DAPP1: variants seen among roughly 807,000 people sequenced by gnomAD.
DAPP1 encodes the protein dual adaptor of phosphotyrosine and 3-phosphoinositides 1.
A neutral mutation model predicts 41.5 loss-of-function variants in DAPP1; 20 were observed. The observed-to-expected ratio is 0.48, with a 90% CI of 0.34 to 0.70. The LOEUF (loss-of-function observed/expected upper bound fraction) is 0.70, where lower values mean the gene tolerates loss of function less well. Ranked by LOEUF, DAPP1 falls within the 30% of genes least tolerant of loss-of-function variation. The probability of loss-of-function intolerance (pLI) is 0.01; values close to 1 mark genes in which losing one functional copy is unlikely to be tolerated. For synonymous variants in DAPP1, 113 were observed against 116.2 expected (o/e 0.97, Z 0.18); for missense variants, 233 against 333.4 (o/e 0.70, Z 2.35).
intron 4 of DAPP1, among the ~76,000 whole-genome samples, chr4:99,860,084 C>A (rs1724185894): frequency 6.6e-6 from 1 of 152,216 alleles, no homozygotes; most frequent in African/African-American, 2.4e-5. Context: ...AGATGGTACC[C>A]CAATGGGGGC....
chr4:99,840,098 A>T (rs940331546), intron 2 of DAPP1, among the ~76,000 whole-genome samples, 191 bp from the exon 3 acceptor site: 1 of 152,196 alleles, frequency 6.6e-6, no homozygotes, highest in Non-Finnish European at 1.5e-5. Context: ...ATTAATTAAT[A>T]AAAGTTGAAA....
chr4:99,866,762 TTC>T, intron 8 of DAPP1: 6 of 544,766 alleles, frequency 1.1e-5, no homozygotes, highest in Non-Finnish European at 1.6e-5. Context: ...ATTTCTTTTT[TTC>T]TATTTTTTTT....
chr4:99,857,699 T>TACAC (rs1447344273), intron 4 of DAPP1, among the ~76,000 whole-genome samples: 31 of 133,628 alleles, frequency 2.3e-4, no homozygotes, highest in Middle Eastern at 3.5e-3. Flanking sequence ...TATGTATGTA[T>TACAC]ATACACACAC....
intron 6 of DAPP1, 134 bp from the exon 7 acceptor site, chr4:99,863,636 C>G: frequency 1.5e-6 from 1 of 658,068 alleles, no homozygotes; most frequent in Non-Finnish European, 2.6e-6. Flanking sequence ...TTTCTATTGT[C>G]AGTCCTGTTA....
intron 1 of DAPP1, among the ~76,000 whole-genome samples, chr4:99,821,001 G>C (rs1290995713): frequency 6.6e-6 from 1 of 152,180 alleles, no homozygotes; most frequent in Admixed American, 6.5e-5. Context: ...TAAACAAAAT[G>C]AGTCCGTATT....
chr4:99,861,447 A>G, intron 4 of DAPP1, 131 bp from the exon 5 acceptor site: 2 of 933,316 alleles, frequency 2.1e-6, no homozygotes, highest in Non-Finnish European at 3.3e-6. Flanking sequence ...TCAAGTGCCT[A>G]GGTGAAAAAT....
At chr4:99,862,730 G>A (rs1418780427) in intron 5 of DAPP1, among the ~76,000 whole-genome samples, 1 of 64,954 alleles carries the variant, frequency 1.5e-5, no homozygotes, top group South Asian at 7.5e-4. Flanking sequence ...TTCATTATGA[G>A]CTTAATGCAT....
rs1280099334 is a variant in DAPP1 at position 99,869,300 on chromosome 4, A to G, written c.*1115A>G. ...AAACTAGAATAAGGAGGCAAATAGA[A>G]GAATGAGATACTGATGTCCACAGTT... On this transcript the variant is annotated 3_prime_UTR_variant, in exon 9 of 9. Transcript: ENST00000512369. 2 of 152,242 alleles carry G rather than the reference A, an allele frequency of 1.3e-5. No individual in the cohort carries two copies. The highest frequency in any genetic ancestry group is 4.8e-5 in the African/African-American group (2 of 41,476). 9.4% of individuals were successfully genotyped at this position (152,242 alleles called of 1,614,324 possible).
chr4:99,819,356 A>G (rs1044534146), intron 1 of DAPP1, among the ~76,000 whole-genome samples: 1 of 152,216 alleles, frequency 6.6e-6, no homozygotes, highest in Non-Finnish European at 1.5e-5. Context: ...ATTCCCTGGT[A>G]TAAATACTCC....
At chr4:99,832,724 T>C (rs77141796) in intron 1 of DAPP1, among the ~76,000 whole-genome samples, 1,752 of 152,372 alleles carry the variant, frequency 0.011, 41 homozygotes, top group African/African-American at 0.039. Flanking sequence ...AAAACATTAT[T>C]AGTAAAAACT....
At chr4:99,845,048 A>G (rs1723619689) in intron 3 of DAPP1, among the ~76,000 whole-genome samples, 1 of 152,248 alleles carries the variant, frequency 6.6e-6, no homozygotes, top group African/African-American at 2.4e-5. Context: ...GAGGAAGGGA[A>G]TTAAGCCAAC....
rs1373817216 is a variant in DAPP1 at position 99,840,563 on chromosome 4, A to G, written c.358+141A>G. 7.6e-6 allele frequency: 8 copies of G among 1,058,566 alleles called. No homozygotes were observed. The African/African-American group carries it at 1.3e-4, about 17-fold the overall frequency. 65.6% of individuals were successfully genotyped at this position (1,058,566 alleles called of 1,614,324 possible). On this transcript the variant is annotated intron_variant, in intron 3 of 8. Coordinates refer to ENST00000512369, the MANE Select transcript of DAPP1 (RefSeq NM_014395.3). ...AAGAGAAAACAATGTATTTTGTATA[A>G]AGTAGATATTTTCTCAGAATGTGTT... is the stretch of plus-strand genomic sequence containing the variant.
chr4:99,865,900 A>AATAT (rs58862847), intron 7 of DAPP1, 134 bp from the exon 8 acceptor site: 4,778 of 70,094 alleles, frequency 0.068, 269 homozygotes, highest in Admixed American at 0.17. Context: ...GTGTTCAACT[A>AATAT]ATATATATAT....
At chr4:99,857,216 A>G (rs187400285) in intron 4 of DAPP1, among the ~76,000 whole-genome samples, 6 of 152,006 alleles carry the variant, frequency 3.9e-5, no homozygotes, top group Non-Finnish European at 7.4e-5. Flanking sequence ...ATTCTTGCAG[A>G]TGGATTGAAT....
intron 1 of DAPP1, among the ~76,000 whole-genome samples, chr4:99,827,609 G>T (rs1268269998): frequency 6.6e-6 from 1 of 151,892 alleles, no homozygotes; most frequent in Non-Finnish European, 1.5e-5. Context: ...TGACCTAATT[G>T]GAAGTTTTAA....
At chr4:99,842,796 G>A (rs1723537894) in intron 3 of DAPP1, among the ~76,000 whole-genome samples, 1 of 151,776 alleles carries the variant, frequency 6.6e-6, no homozygotes. Flanking sequence ...GTGATCAGAA[G>A]ATCTTCAGGC....
Position 99,861,620 on chromosome 4 carries a change from G to A in DAPP1, c.532G>A (p.Val178Ile), listed in dbSNP as rs1227111285. The change falls in exon 5 of 9, where the codon GTC (valine) becomes ATC (isoleucine). Residue 178 changes from valine to isoleucine, a missense_variant. Transcript: ENST00000512369. ...EGYLTKQGGL[V>I]KTWKTRWFTL... ...TTACCTCACCAAACAGGGAGGCCTG[G>A]TCAAGGTAAGGAAGTGTGGTTTTGC... The A allele has an allele frequency of 2.5e-6, 4 of 1,572,558 alleles. No individual in the cohort carries two copies. Among genetic ancestry groups the A allele is most frequent in the Non-Finnish European group, 3.5e-6 (4 of 1,157,896 alleles).
chr4:99,868,314 G>T lies in DAPP1; in HGVS notation c.*129G>T. The T allele has an allele frequency of 6.0e-6, 5 of 827,118 alleles. No homozygotes were observed. Among genetic ancestry groups the T allele is most frequent in the Non-Finnish European group, 7.9e-6 (4 of 507,416 alleles). 51.2% of individuals were successfully genotyped at this position (827,118 alleles called of 1,614,324 possible). ...TTTCAAAAACAAATCAGAAGCAGAT[G>T]CTGATTGGGACCCATATACCACGTT... is the stretch of plus-strand genomic sequence containing the variant. On this transcript the variant is annotated 3_prime_UTR_variant, in exon 9 of 9. Transcript: ENST00000512369.
chr4:99,825,633 G>T (rs1329444212), intron 1 of DAPP1, among the ~76,000 whole-genome samples: 2 of 152,216 alleles, frequency 1.3e-5, no homozygotes, highest in African/African-American at 2.4e-5. Flanking sequence ...CAGCCCTGCT[G>T]GTTCCATCAC....
Sources: allele counts gnomAD v4.1 joint callset (sites outside exome capture counted in the v4.1 genomes callset), GRCh38; gene constraint gnomAD v4.1.1; transcripts MANE v1.5; gene names NCBI Gene and HGNC (gene_info 2026-07-23, HGNC 2026-07-21).